The following KAZN variants were observed in gnomAD, a reference collection of about 807,000 sequenced individuals.
KAZN encodes the protein kazrin, periplakin interacting protein, also known as kazrin.
KAZN carries 40 observed loss-of-function variants against 87.4 expected under a neutral mutation model. That is an observed-to-expected ratio of 0.46 (90% CI 0.36 to 0.60). The LOEUF (loss-of-function observed/expected upper bound fraction) is 0.60, where lower values mean the gene tolerates loss of function less well. Among genes scored for constraint, KAZN ranks in the 20% least tolerant of loss-of-function variants. KAZN has a pLI of 0.00. For synonymous variants in KAZN, 466 were observed against 458.3 expected (o/e 1.02, Z -0.22); for missense variants, 898 against 1,073.9 (o/e 0.84, Z 2.29).
At position 14,949,670 on chromosome 1, in the gene KAZN, C is replaced by T. The variant is rs1662251146; in HGVS notation, c.227-11014C>T. ...CCCCAGGGGGCTGCGTCCTGCAGTG[C>T]CAATCCTCAGGTGAAGTGGGGCTGG... is the stretch of plus-strand genomic sequence containing the variant. On this transcript the variant is annotated intron_variant, in intron 1 of 14. Transcript: ENST00000376030. The surrounding 1 kb of genome is among the most constrained non-coding windows in gnomAD (Gnocchi z 4.3). Among the ~76,000 whole-genome samples the T allele has an allele frequency of 6.6e-6, 1 of 152,214 alleles. No individual in the cohort carries two copies. Among genetic ancestry groups the T allele is most frequent in the South Asian group, 2.1e-4 (1 of 4,828 alleles).
chr1:14,565,163 C>G lies in KAZN; in HGVS notation c.250-33820C>G, dbSNP rs548370968. Among the ~76,000 whole-genome samples the G allele has an allele frequency of 3.3e-5, 5 of 152,298 alleles. No individual in the cohort carries two copies. The South Asian group carries it at 8.3e-4, about 25-fold the overall frequency. On this transcript the variant is annotated intron_variant, in intron 2 of 16. Coordinates refer to the KAZN transcript ENST00000636203. Reference sequence around the variant, plus strand: ...TCTTCCCTAATTGTAGCATCCTTTCCTCTCCCTCCCTGCCCTTCCTTAGAA... The same window carrying G: ...TCTTCCCTAATTGTAGCATCCTTTCGTCTCCCTCCCTGCCCTTCCTTAGAA...
chr1:14,564,407 G>A (rs1199604815), intron 2 of KAZN, among the ~76,000 whole-genome samples: 1 of 152,102 alleles, frequency 6.6e-6, no homozygotes, highest in Non-Finnish European at 1.5e-5. Context: ...GCAGCACTGG[G>A]TAGGTTTTTT....
At chr1:14,672,734 G>A (rs907125535) in intron 1 of KAZN, among the ~76,000 whole-genome samples, 1 of 152,210 alleles carries the variant, frequency 6.6e-6, no homozygotes, top group African/African-American at 2.4e-5. Flanking sequence ...AGACCCCATT[G>A]CAGGATTGCT....
At chr1:14,361,811 G>C (rs1409142079) in intron 2 of KAZN, among the ~76,000 whole-genome samples, 1 of 152,246 alleles carries the variant, frequency 6.6e-6, no homozygotes, top group Non-Finnish European at 1.5e-5. Flanking sequence ...GGGAGCTGCA[G>C]ACCAGAGTTG....
At chr1:14,918,669 C>G (rs1365179696) in intron 1 of KAZN, among the ~76,000 whole-genome samples, 2 of 93,742 alleles carry the variant, frequency 2.1e-5, no homozygotes, top group Non-Finnish European at 4.0e-5. Context: ...GAGTAAGACT[C>G]CATCTCAAAA....
chr1:14,416,328 T>C (rs1331241078), intron 2 of KAZN, among the ~76,000 whole-genome samples: 1 of 152,184 alleles, frequency 6.6e-6, no homozygotes, highest in Non-Finnish European at 1.5e-5. Flanking sequence ...TATAAAATAT[T>C]ACGGAATGTC....
At chr1:14,357,222 TTGTC>T (rs1557660082) in intron 2 of KAZN, among the ~76,000 whole-genome samples, 1 of 151,944 alleles carries the variant, frequency 6.6e-6, no homozygotes, top group Non-Finnish European at 1.5e-5. Context: ...GGCTCTCTGT[TTGTC>T]TGTTATTGGT....
intron 1 of KAZN, among the ~76,000 whole-genome samples, chr1:14,146,081 C>G (rs1157117017): frequency 1.3e-5 from 2 of 152,080 alleles, no homozygotes; most frequent in Non-Finnish European, 2.9e-5. Flanking sequence ...TCCCTGTGCT[C>G]TACCCTGAGT....
intron 2 of KAZN, among the ~76,000 whole-genome samples, chr1:14,377,525 C>A (rs1661013150): frequency 6.6e-6 from 1 of 152,192 alleles, no homozygotes; most frequent in South Asian, 2.1e-4. Flanking sequence ...AATCTCGACT[C>A]CTCATACTCT....
chr1:15,046,313 T>G (rs1451404073), intron 4 of KAZN, among the ~76,000 whole-genome samples: 1 of 107,340 alleles, frequency 9.3e-6, no homozygotes, highest in Admixed American at 8.5e-5. Context: ...AAAAAGAGAA[T>G]CATAAGGAAG....
intron 1 of KAZN, among the ~76,000 whole-genome samples, chr1:14,664,325 C>T (rs536771140): frequency 2.6e-5 from 4 of 152,148 alleles, no homozygotes; most frequent in Admixed American, 2.0e-4. Context: ...CCCAGCTACT[C>T]GGGAGGCTGA....
chr1:14,929,386 G>A (rs1659542161), intron 1 of KAZN, among the ~76,000 whole-genome samples: 1 of 152,176 alleles, frequency 6.6e-6, no homozygotes, highest in Non-Finnish European at 1.5e-5. Context: ...CACCATTTAT[G>A]TTCTTTGTAA....
chr1:14,585,214 C>T (rs1439078913), intron 2 of KAZN, among the ~76,000 whole-genome samples: 21 of 152,176 alleles, frequency 1.4e-4, no homozygotes, highest in Admixed American at 1.2e-3. Flanking sequence ...GCCCCCTAGT[C>T]GGTGGTTCTT....
At chr1:15,047,105 G>A (rs1397884605) in intron 4 of KAZN, among the ~76,000 whole-genome samples, 1 of 152,188 alleles carries the variant, frequency 6.6e-6, no homozygotes, top group African/African-American at 2.4e-5. Context: ...TGTGAATGTT[G>A]GCAACTCAGG....
chr1:14,000,701 G>A (rs916907668), intron 1 of KAZN, among the ~76,000 whole-genome samples: 19 of 152,168 alleles, frequency 1.2e-4, no homozygotes, highest in Admixed American at 1.2e-3. Flanking sequence ...GTTCTGGCTG[G>A]GCAATCAAGC....
At chr1:14,206,834 A>C (rs1646755990) in intron 2 of KAZN, among the ~76,000 whole-genome samples, 1 of 152,020 alleles carries the variant, frequency 6.6e-6, no homozygotes, top group Non-Finnish European at 1.5e-5. Context: ...GCATTGAATC[A>C]GCCATTCTCC....
chr1:15,099,799 A>G lies in KAZN; in HGVS notation c.1548-1744A>G, dbSNP rs770315589. Reference sequence around the variant, plus strand: ...GAATAGAAGGGAAGCAAAGGCAGGAAACGGGGAGCAGCCGGGGAAAGTGGC... The same window carrying G: ...GAATAGAAGGGAAGCAAAGGCAGGAGACGGGGAGCAGCCGGGGAAAGTGGC... On this transcript the variant is annotated intron_variant, in intron 10 of 14. Transcript: ENST00000376030. This position sits in a 1 kb window ranked among gnomAD's most constrained non-coding sequence, Gnocchi z 5.4. 1.3e-5 allele frequency among the ~76,000 whole-genome samples: 2 copies of G among 152,180 alleles called. No individual in the cohort carries two copies. The highest frequency in any genetic ancestry group is 4.8e-5 in the African/African-American group (2 of 41,434).
At chr1:14,160,443 G>A (rs778846579) in intron 1 of KAZN, among the ~76,000 whole-genome samples, 2 of 152,214 alleles carry the variant, frequency 1.3e-5, no homozygotes, top group African/African-American at 2.4e-5. Flanking sequence ...CTGCAGGGAG[G>A]AGGGTGAGGG....
At chr1:14,581,514 C>T (rs902712644) in intron 2 of KAZN, among the ~76,000 whole-genome samples, 2 of 152,210 alleles carry the variant, frequency 1.3e-5, no homozygotes, top group Non-Finnish European at 2.9e-5. Flanking sequence ...TGTCTCTGGA[C>T]AGCCTTTGCC....
Sources: gnomAD v4.1 joint callset for allele counts (sites outside exome capture counted in the v4.1 genomes callset) on GRCh38, gnomAD v4.1.1 for gene constraint, Gnocchi (gnomAD v3.1) non-coding constraint, MANE v1.5 for transcripts, NCBI Gene and HGNC (gene_info 2026-07-23, HGNC 2026-07-21) for gene names.